GNE: variants seen among roughly 807,000 people sequenced by gnomAD.
GNE encodes the protein glucosamine (UDP-N-acetyl)-2-epimerase/N-acetylmannosamine kinase.
Under a neutral mutation model 61.8 loss-of-function variants are expected in GNE, and 41 were observed. The observed-to-expected ratio is 0.66, with a 90% CI of 0.52 to 0.86. GNE has a LOEUF of 0.86. GNE is among the 40% of genes least tolerant of loss of function. The pLI, the probability that GNE is intolerant of heterozygous loss-of-function variation, is 0.00. For synonymous variants in GNE, 264 were observed against 326.4 expected, an observed-to-expected ratio of 0.81 and a Z score of 2.06; for missense variants, 608 against 909.1, an observed-to-expected ratio of 0.67 and a Z score of 4.26.
At chr9:36,231,951 T>C (rs1486270346) in intron 5 of GNE, among the ~76,000 whole-genome samples, 1 of 152,114 alleles carries the variant, frequency 6.6e-6, no homozygotes, top group Admixed American at 6.6e-5. Flanking sequence ...AATCTGTTCC[T>C]CCCTCAGTGT....
chr9:36,222,792 G>A lies in GNE; in HGVS notation c.1618C>T (p.Leu540Phe), dbSNP rs1486182201. The part of the protein sequence containing the change: ...QGKGLENFVT[L>F]ITGTGIGGGI... ...CCCCTCTTACCTGTGCCTGTGATAA[G>A]TGTAACAAAGTTTTCCAGTCCCTTT... Residue 540 changes from leucine (L) to phenylalanine (F), a missense_variant, in exon 9 of 12, where the codon CTT (leucine) becomes TTT (phenylalanine). By Grantham distance (22) the Leu-to-Phe change is conservative. Coordinates refer to ENST00000642385, the MANE Select transcript of GNE (RefSeq NM_005476.7). 1 of 1,612,582 alleles carries A rather than the reference G, an allele frequency of 6.2e-7. No individual in the cohort carries two copies. The highest frequency in any genetic ancestry group is 1.1e-5 in the South Asian group (1 of 91,056).
chr9:36,243,467 G>A (rs1459564764), intron 3 of GNE, among the ~76,000 whole-genome samples: 1 of 152,164 alleles, frequency 6.6e-6, no homozygotes, highest in African/African-American at 2.4e-5. Flanking sequence ...ACTAAAAGGA[G>A]AGACTGAAGA....
chr9:36,239,848 G>GTATTT (rs1275676910), intron 3 of GNE, among the ~76,000 whole-genome samples: 2 of 151,478 alleles, frequency 1.3e-5, no homozygotes, highest in Non-Finnish European at 2.9e-5. Context: ...ATATTCCTAA[G>GTATTT]TATTTTATTT....
In GNE at chr9:36,217,226, A is replaced by G. The variant is rs1828356647; in HGVS notation, c.*139T>C. 4 of 709,560 alleles carry G rather than the reference A, an allele frequency of 5.6e-6. No homozygotes were observed. Among genetic ancestry groups the G allele is most frequent in the Middle Eastern group, 2.4e-4 (1 of 4,212 alleles). 44.0% of individuals were successfully genotyped at this position (709,560 alleles called of 1,614,324 possible). ...AAAGGTGACTCTGGAAGAGGAGACC[A>G]AAAGTGAAAACATTTCTCTGCCAAA... On this transcript the variant is annotated 3_prime_UTR_variant, in exon 12 of 12. Transcript: ENST00000642385.
In GNE at chr9:36,246,086, G is replaced by A. The variant is rs776021326; in HGVS notation, c.561C>T (p.Asp187=). The A allele has an allele frequency of 6.2e-7, 1 of 1,614,204 alleles. No homozygotes were observed. Among genetic ancestry groups the A allele is most frequent in the South Asian group, 1.1e-5 (1 of 91,090 alleles). ...RILLAGCPSY[D]KLLSAKNKDY... ...CTTTGTTCTTGGCTGAGAGAAGTTT[G>A]TCATAGGAAGGGCAGCCTGCCAAAA... is the stretch of plus-strand genomic sequence containing the variant. The change falls in exon 3 of 12, where the codon GAC becomes GAT. Residue 187 remains aspartate, a synonymous_variant. Transcript: ENST00000642385.
intron 2 of GNE, 81 bp downstream of exon 2, chr9:36,249,111 G>C (rs1563948921): frequency 1.3e-5 from 14 of 1,086,588 alleles, no homozygotes; most frequent in Non-Finnish European, 2.0e-5. Context: ...GGAATTTGAA[G>C]CTGGGCCCAT....
rs536324866 is a variant in GNE, at chr9:36,238,463, G to A, written c.617-1479C>T. Among the ~76,000 whole-genome samples the A allele has an allele frequency of 5.3e-5, 8 of 152,244 alleles. No homozygotes were observed. The East Asian group carries it at 1.4e-3, about 26-fold the overall frequency. ...ATTCTTACAGGAGTAAGGCGGCATC[G>A]CATTATGGTTTTGATTTGCATTTCC... is the stretch of plus-strand genomic sequence containing the variant. On this transcript the variant is annotated intron_variant, in intron 3 of 11. Coordinates refer to ENST00000642385, the MANE Select transcript of GNE (RefSeq NM_005476.7).
intron 1 of GNE, among the ~76,000 whole-genome samples, chr9:36,257,237 C>T (rs535484200): frequency 5.2e-4 from 79 of 152,298 alleles, no homozygotes; most frequent in South Asian, 1.9e-3. Flanking sequence ...ATTCCATAAA[C>T]ATCCATGAGT....
In GNE at chr9:36,227,451, T is replaced by A. The variant is rs1422424029; in HGVS notation, c.1078A>T (p.Ile360Leu). The A allele has an allele frequency of 1.3e-6, 2 of 1,594,194 alleles. No homozygotes were observed. The highest frequency in any genetic ancestry group is 2.7e-5 in the African/African-American group (2 of 74,536). ...GGAACAGCATTTCCATCCCCATATA[T>A]CTTTGAACTGCAATATACAAAAAGT... ...QFGKQYPCSK[I>L]YGDGNAVPRI... is the part of the protein sequence containing the mutation. The change falls in exon 7 of 12, where the codon ATA becomes TTA. Residue 360 changes from isoleucine (I) to leucine (L), a missense_variant. Transcript: ENST00000642385.
intron 1 of GNE, among the ~76,000 whole-genome samples, chr9:36,252,734 T>C (rs1218565618): frequency 1.3e-5 from 2 of 152,220 alleles, no homozygotes; most frequent in East Asian, 1.9e-4. Flanking sequence ...AGGTAGTATA[T>C]TCACATGGTT....
At chr9:36,266,491 A>C (rs937837832) in intron 1 of GNE, among the ~76,000 whole-genome samples, 11 of 152,370 alleles carry the variant, frequency 7.2e-5, no homozygotes, top group African/African-American at 2.6e-4. Context: ...ATATTGGCTG[A>C]GGCCAGGAGT....
rs1829237137 is a variant in GNE at position 36,232,930 on chromosome 9, A to G, written c.982+990T>C. On this transcript the variant is annotated intron_variant, in intron 5 of 11. Coordinates refer to ENST00000642385, the MANE Select transcript of GNE (RefSeq NM_005476.7). ...AGGAATTTGAAAGAATTTCCATCTC[A>G]TGGCTTCCATTTTCTCTATGAAGTG... Among the ~76,000 whole-genome samples, 5 of 152,166 alleles carry G rather than the reference A, an allele frequency of 3.3e-5. 1 individual carries two copies. The South Asian group carries it at 1.0e-3, about 31-fold the overall frequency.
intron 7 of GNE, among the ~76,000 whole-genome samples, chr9:36,224,930 C>T (rs1828795412): frequency 6.6e-6 from 1 of 152,088 alleles, no homozygotes; most frequent in South Asian, 2.1e-4. Flanking sequence ...AGGGATAGTC[C>T]CTCCTGATTA....
At chr9:36,260,687 G>A (rs1830581414), upstream of GNE, among the ~76,000 whole-genome samples, 1 of 151,818 alleles carries the variant, frequency 6.6e-6, no homozygotes. Flanking sequence ...GGCTAACATG[G>A]TGAAACCCCA....
chr9:36,220,565 T>TGCTCTGTTTCATTCTTCCC (rs1828544329), intron 9 of GNE, among the ~76,000 whole-genome samples: 1 of 152,212 alleles, frequency 6.6e-6, no homozygotes, highest in Non-Finnish European at 1.5e-5. Flanking sequence ...GCTTTCTTCC[T>TGCTCTGTTTCATTCTTCCC]GCTCTGTTTC....
intron 1 of GNE, among the ~76,000 whole-genome samples, chr9:36,265,847 T>C (rs1264295011): frequency 6.6e-6 from 1 of 152,238 alleles, no homozygotes; most frequent in African/African-American, 2.4e-5. Context: ...ATGCCACCAC[T>C]GTTCTGACAG....
At position 36,214,800 on chromosome 9, in the gene GNE, A is replaced by G. The variant is rs1828194002; in HGVS notation, c.*2565T>C. ...CCCAGGAATCACCATGGAATGTCTG[A>G]ACAATAACCAGGCCCTGGAGATTAC... On this transcript the variant is annotated 3_prime_UTR_variant, in exon 12 of 12. Transcript: ENST00000642385. 6.6e-6 allele frequency: 1 copy of G among 152,226 alleles called. No homozygotes were observed. Among genetic ancestry groups the G allele is most frequent in the Non-Finnish European group, 1.5e-5 (1 of 68,036 alleles). 9.4% of individuals were successfully genotyped at this position (152,226 alleles called of 1,614,324 possible). A position where few individuals can be genotyped will look rare whatever the true frequency, so the allele number is the denominator to read the frequency against.
chr9:36,222,753 C>T, intron 9 of GNE, 24 bp downstream of exon 9: 1 of 1,505,452 alleles, frequency 6.6e-7, no homozygotes, highest in South Asian at 1.1e-5. Flanking sequence ...AGCTCCTGAA[C>T]CAACCTCCCC....
rs200093300 is a variant in GNE, at chr9:36,243,957, TG to T, written c.616+2073del. ...GTGTTTTTTTTTTGTTATTGTTTTT[TG>T]TTTTTTTTTGTTTTGTTTTGTTTGA... On this transcript the variant is annotated intron_variant, in intron 3 of 11. Transcript: ENST00000642385. Among the ~76,000 whole-genome samples, 50 of 56,664 alleles carry T rather than the reference TG, an allele frequency of 8.8e-4. No individual in the cohort carries two copies. The East Asian group carries it at 0.011, about 13-fold the overall frequency. 37.2% of individuals were successfully genotyped at this position (56,664 alleles called of 152,430 possible). A position where few individuals can be genotyped will look rare whatever the true frequency, so the allele number is the denominator to read the frequency against.
Sources: allele counts gnomAD v4.1 joint callset (sites outside exome capture counted in the v4.1 genomes callset), GRCh38; gene constraint gnomAD v4.1.1; transcripts MANE v1.5; gene names NCBI Gene and HGNC (gene_info 2026-07-23, HGNC 2026-07-21).